RFC4: variants seen among roughly 807,000 people sequenced by gnomAD.
RFC4 encodes replication factor C subunit 4.
Under a neutral mutation model 47.6 loss-of-function variants are expected in RFC4, and 38 were observed. The observed-to-expected ratio is 0.80, with a 90% confidence interval of 0.62 to 1.05. The LOEUF (loss-of-function observed/expected upper bound fraction) is 1.05, where lower values mean the gene tolerates loss of function less well. Ranked by LOEUF, RFC4 falls within the 50% of genes least tolerant of loss-of-function variation. The pLI is 0.00. For missense variants in RFC4, 489 were observed against 434.0 expected (o/e 1.13, Z -1.13); for synonymous variants, 164 against 150.0 (o/e 1.09, Z -0.68).
chr3:186,792,730 C>T lies in RFC4; in HGVS notation c.554+74G>A, dbSNP rs375510412. On this transcript the variant is annotated intron_variant, in intron 6 of 10. Transcript: ENST00000296273. ...GAAAAATTAATGTAGCCTTGAAAATCCTAAATTTCCTTTCCCTAATTGGGT... is the reference window on the plus strand; with the variant it reads ...GAAAAATTAATGTAGCCTTGAAAATTCTAAATTTCCTTTCCCTAATTGGGT... 9.6e-5 allele frequency: 149 copies of T among 1,555,676 alleles called. 1 individual carries two copies. In the East Asian group the frequency reaches 2.9e-3, roughly 30 times the overall value.
chr3:186,790,631 C>A (rs1360831900), intron 8 of RFC4, among the ~76,000 whole-genome samples: 1 of 152,198 alleles, frequency 6.6e-6, no homozygotes, highest in African/African-American at 2.4e-5. Flanking sequence ...GCTTTGTGAA[C>A]TTCCAAGTTT....
chr3:186,798,821 A>C (rs1177614682), intron 3 of RFC4, among the ~76,000 whole-genome samples: 1 of 152,144 alleles, frequency 6.6e-6, no homozygotes, highest in Admixed American at 6.5e-5. Flanking sequence ...GTTTATTGTT[A>C]TTTCACTGTG....
At chr3:186,794,142 G>A (rs1722197370) in intron 5 of RFC4, among the ~76,000 whole-genome samples, 2 of 152,090 alleles carry the variant, frequency 1.3e-5, no homozygotes, top group African/African-American at 4.8e-5. Flanking sequence ...CCCACGTTGC[G>A]GGTTATTACC....
At chr3:186,794,617 A>T in intron 5 of RFC4, 41 bp downstream of exon 5, 1 of 1,587,580 alleles carries the variant, frequency 6.3e-7, no homozygotes, top group Non-Finnish European at 8.6e-7. Context: ...ACATATTTAA[A>T]ATAATACATG....
chr3:186,794,844 G>A, intron 4 of RFC4, 67 bp from the exon 5 acceptor site: 2 of 1,559,696 alleles, frequency 1.3e-6, no homozygotes, highest in Non-Finnish European at 1.8e-6. Context: ...TTTAACATTT[G>A]CACACTTTGC....
intron 2 of RFC4, 72 bp downstream of exon 2, chr3:186,804,511 A>G: frequency 6.9e-7 from 1 of 1,458,382 alleles, no homozygotes; most frequent in Non-Finnish European, 9.3e-7. Flanking sequence ...AGTTAAAAAA[A>G]AAAAAAAGTG....
At chr3:186,803,001 C>T (rs1722392617) in intron 2 of RFC4, among the ~76,000 whole-genome samples, 1 of 152,038 alleles carries the variant, frequency 6.6e-6, no homozygotes, top group South Asian at 2.1e-4. Context: ...CCCTCCTCCA[C>T]ATAATTAAAA....
intron 8 of RFC4, chr3:186,791,411 A>G (rs946212314): frequency 1.0e-5 from 3 of 295,708 alleles, no homozygotes; most frequent in Admixed American, 4.3e-5. Flanking sequence ...TGGAGGTTGC[A>G]GTGAGTCGGT....
At chr3:186,804,238 G>A (rs1032346452) in intron 2 of RFC4, among the ~76,000 whole-genome samples, 6 of 151,908 alleles carry the variant, frequency 3.9e-5, no homozygotes, top group Admixed American at 1.3e-4. Flanking sequence ...GAAGAAGGAG[G>A]AACAGATTAC....
Position 186,793,052 on chromosome 3 carries a change from C to A in RFC4, c.411-105G>T. 1 of 949,226 alleles carries A rather than the reference C, an allele frequency of 1.1e-6. No homozygotes were observed. The highest frequency in any genetic ancestry group is 1.5e-6 in the Non-Finnish European group (1 of 653,018). The allele number at this position is 949,226 out of a possible 1,614,324, so 58.8% of individuals were successfully genotyped here. A position where few individuals can be genotyped will look rare whatever the true frequency, so the allele number is the denominator to read the frequency against. ...ATACAATTCACCCATTTAAAATGTACAATTCAGTGTTTTTCTGTATGTTCA... is the reference window on the plus strand; with the variant it reads ...ATACAATTCACCCATTTAAAATGTAAAATTCAGTGTTTTTCTGTATGTTCA... On this transcript the variant is annotated intron_variant, in intron 5 of 10. Transcript: ENST00000296273. The surrounding 1 kb of genome is among the most constrained non-coding windows in gnomAD (Gnocchi z 4.2).
chr3:186,794,017 C>T (rs538800129), intron 5 of RFC4, among the ~76,000 whole-genome samples: 7 of 152,286 alleles, frequency 4.6e-5, no homozygotes, highest in Non-Finnish European at 7.4e-5. Context: ...CCACTGCGCC[C>T]GGCCTTTGCC....
At position 186,796,706 on chromosome 3, in the gene RFC4, C is replaced by G. The variant is rs1722250656; in HGVS notation, c.290+829G>C. Among the ~76,000 whole-genome samples the G allele has an allele frequency of 6.6e-6, 1 of 152,144 alleles. No individual in the cohort carries two copies. The highest frequency in any genetic ancestry group is 1.5e-5 in the Non-Finnish European group (1 of 68,018). On this transcript the variant is annotated intron_variant, in intron 4 of 10. Coordinates refer to ENST00000296273, the MANE Select transcript of RFC4 (RefSeq NM_002916.5). The surrounding 1 kb of genome is among the most constrained non-coding windows in gnomAD (Gnocchi z 4.2). The stretch of plus-strand genomic sequence containing the variant: ...TGTTGGCCAGGCTGGTTTCGAACTC[C>G]TCACCCCAGGTGATCCACCTGCCTC...
Position 186,793,192 on chromosome 3 carries a change from G to A in RFC4, c.411-245C>T, listed in dbSNP as rs148784468. On this transcript the variant is annotated intron_variant, in intron 5 of 10. Transcript: ENST00000296273. This position sits in a 1 kb window ranked among gnomAD's most constrained non-coding sequence, Gnocchi z 4.2. ...TTCCCCCAGTCATTCCCAGCTCTAG[G>A]CAATCATTAGTCTACTTTCATCTCT... 3.9e-4 allele frequency among the ~76,000 whole-genome samples: 59 copies of A among 152,234 alleles called. No individual in the cohort carries two copies. In the East Asian group the frequency reaches 0.011, roughly 28 times the overall value.
chr3:186,799,141 A>C (rs1384747824), intron 3 of RFC4, among the ~76,000 whole-genome samples: 2 of 152,238 alleles, frequency 1.3e-5, no homozygotes, highest in Non-Finnish European at 2.9e-5. Flanking sequence ...TAACTATCAG[A>C]TACAATAATT....
chr3:186,800,099 G>A (rs1305935374), intron 3 of RFC4, among the ~76,000 whole-genome samples: 1 of 152,048 alleles, frequency 6.6e-6, no homozygotes, highest in Non-Finnish European at 1.5e-5. Context: ...GGGACTACAG[G>A]TGTGTGCCAC....
rs560687733 is a variant in RFC4, at chr3:186,804,630, A to G, written c.84T>C (p.Ser28=). 2 of 1,614,024 alleles carry G rather than the reference A, an allele frequency of 1.2e-6. No individual in the cohort carries two copies. Among genetic ancestry groups the G allele is most frequent in the Non-Finnish European group, 1.7e-6 (2 of 1,180,004 alleles). The change falls in exon 2 of 11, where the codon AGT becomes AGC. Residue 28 remains serine, a synonymous_variant. Transcript: ENST00000296273. ...KDRGVAASAG[S]SGENKKAKPV... ...GTTTGGCTTTCTTGTTCTCTCCGCT[A>G]CTTCCCGCACTGGCAGCTACTCCTC...
chr3:186,792,823 T>C lies in RFC4; in HGVS notation c.535A>G (p.Ile179Val), dbSNP rs1722171059. Residue 179 changes from isoleucine to valine, a missense_variant, in exon 6 of 11, where the codon ATC becomes GTC. By Grantham distance (29) the Ile-to-Val change is conservative (BLOSUM62 3). Around this residue, in one of 2 missense-constraint regions of RFC4, gnomAD observed 206 missense variants for 257.8 expected, o/e 0.80. Coordinates refer to ENST00000296273, the MANE Select transcript of RFC4 (RefSeq NM_002916.5). Reference protein sequence around the residue: ...KESKTTRFCLICNYVSRIIEP... With the variant: ...KESKTTRFCLVCNYVSRIIEP... ...ACATACCGACTGACATAGTTACAGATAAGACAGAATCGGGTGGTTTTCGAC... is the reference window on the plus strand; with the variant it reads ...ACATACCGACTGACATAGTTACAGACAAGACAGAATCGGGTGGTTTTCGAC... 2 of 1,613,700 alleles carry C rather than the reference T, an allele frequency of 1.2e-6. No individual in the cohort carries two copies. The highest frequency in any genetic ancestry group is 2.2e-5 in the East Asian group (1 of 44,884).
chr3:186,790,438 T>C (rs752406793), intron 8 of RFC4, 32 bp from the exon 9 acceptor site: 5 of 1,495,698 alleles, frequency 3.3e-6, no homozygotes, highest in Admixed American at 1.7e-5. Flanking sequence ...ATTAAAGATG[T>C]TTCTAGGTGA....
intron 8 of RFC4, 183 bp downstream of exon 8, chr3:186,791,542 A>T: frequency 1.6e-6 from 1 of 635,604 alleles, no homozygotes; most frequent in South Asian, 1.7e-5. Flanking sequence ...TACATGCCTG[A>T]CAAACTGAAA....
Sources: gnomAD v4.1 joint callset for allele counts (sites outside exome capture counted in the v4.1 genomes callset) on GRCh38, gnomAD v4.1.1 for gene constraint, gnomAD v4.1.1 regional missense constraint, Gnocchi (gnomAD v3.1) non-coding constraint, MANE v1.5 for transcripts, NCBI Gene and HGNC (gene_info 2026-07-23, HGNC 2026-07-21) for gene names.